RABEP1: variants seen among roughly 807,000 people sequenced by gnomAD.
RABEP1 encodes the protein rabaptin, RAB GTPase binding effector protein 1, also known as rab GTPase-binding effector protein 1.
Under a neutral mutation model 123.4 loss-of-function variants are expected in RABEP1, and 51 were observed. The observed-to-expected ratio is 0.41, with a 90% CI of 0.33 to 0.52. The LOEUF is 0.52. RABEP1 is among the 20% of genes least tolerant of loss of function. The probability of loss-of-function intolerance (pLI) is 0.16; values close to 1 mark genes in which losing one functional copy is unlikely to be tolerated. For missense variants in RABEP1, 888 were observed against 996.3 expected (o/e 0.89, Z 1.46); for synonymous variants, 347 against 355.2 (o/e 0.98, Z 0.26).
intron 1 of RABEP1, among the ~76,000 whole-genome samples, chr17:5,286,042 G>A (rs1182788296): frequency 1.3e-5 from 2 of 152,222 alleles, no homozygotes; most frequent in Non-Finnish European, 2.9e-5. Context: ...AAGGGCATGA[G>A]TTCCGAGTGG....
Position 5,385,969 on chromosome 17 carries a change from G to T in RABEP1, c.*2746G>T. 1 of 469,808 alleles carries T rather than the reference G, an allele frequency of 2.1e-6. No individual in the cohort carries two copies. Among genetic ancestry groups the T allele is most frequent in the Non-Finnish European group, 3.7e-6 (1 of 268,836 alleles). The allele number at this position is 469,808 out of a possible 1,614,324, so 29.1% of individuals were successfully genotyped here. ...CAGGGAGGTTCTGGCAGTGTGCAGT[G>T]TGAAATAATCCTGAGTCCTTGCTGA... is the stretch of plus-strand genomic sequence containing the variant. On this transcript the variant is annotated 3_prime_UTR_variant, in exon 18 of 18. Transcript: ENST00000537505.
chr17:5,383,032 A>G, intron 17 of RABEP1, 90 bp from the exon 18 acceptor site: 1 of 965,842 alleles, frequency 1.0e-6, no homozygotes. Context: ...TACTCTGGTG[A>G]GTTAATCTGC....
chr17:5,311,869 T>C (rs947305071), intron 2 of RABEP1, among the ~76,000 whole-genome samples: 1 of 152,172 alleles, frequency 6.6e-6, no homozygotes, highest in African/African-American at 2.4e-5. Flanking sequence ...TGTAGTTTTA[T>C]TTTTTTAAAC....
In RABEP1 at chr17:5,385,239, C is replaced by T. The variant is rs1376997496; in HGVS notation, c.*2016C>T. ...ACTGTGTCACTGTCCAGGTAGGAAA[C>T]AATTCTTTCAACTGGGTTTTCAGCA... On this transcript the variant is annotated 3_prime_UTR_variant, in exon 18 of 18. Coordinates refer to ENST00000537505, the MANE Select transcript of RABEP1 (RefSeq NM_004703.6). 4.3e-6 allele frequency: 1 copy of T among 230,238 alleles called. No individual in the cohort carries two copies. Among genetic ancestry groups the T allele is most frequent in the Non-Finnish European group, 8.6e-6 (1 of 116,342 alleles). 14.3% of individuals were successfully genotyped at this position (230,238 alleles called of 1,614,324 possible).
At chr17:5,298,930 C>T (rs1179472264) in intron 1 of RABEP1, among the ~76,000 whole-genome samples, 8 of 152,030 alleles carry the variant, frequency 5.3e-5, no homozygotes, top group African/African-American at 1.9e-4. Flanking sequence ...GCTGGGATTA[C>T]AGGCGTGAGC....
chr17:5,380,081 T>C (rs772042083), intron 15 of RABEP1, among the ~76,000 whole-genome samples: 4 of 152,244 alleles, frequency 2.6e-5, no homozygotes, highest in Non-Finnish European at 5.9e-5. Flanking sequence ...CTTTGTAACT[T>C]TTCTGGCAGA....
intron 5 of RABEP1, among the ~76,000 whole-genome samples, chr17:5,343,692 T>TTTTG (rs1334897209): frequency 4.3e-5 from 6 of 140,220 alleles, no homozygotes; most frequent in Non-Finnish European, 9.2e-5. Flanking sequence ...TTTTTTTTTT[T>TTTTG]TGAGTCAGGG....
chr17:5,328,624 C>T (rs990651955), intron 2 of RABEP1, among the ~76,000 whole-genome samples: 14 of 113,666 alleles, frequency 1.2e-4, no homozygotes, highest in African/African-American at 3.1e-4. Context: ...CTAGCCTGGG[C>T]GATAGAGTGA....
At position 5,284,801 on chromosome 17, in the gene RABEP1, T is replaced by C. The variant is rs1441876935; in HGVS notation, c.34+2281T>C. 2.6e-5 allele frequency among the ~76,000 whole-genome samples: 4 copies of C among 151,904 alleles called. No homozygotes were observed. In the East Asian group the frequency reaches 7.7e-4, roughly 29 times the overall value. ...TAATTTGTGTCTTTAGCTGAACTCA[T>C]GTAGACCATTTTAGCTTTAGGCACG... On this transcript the variant is annotated intron_variant, in intron 1 of 17. Transcript: ENST00000537505.
chr17:5,353,484 A>G (rs1285210498), intron 7 of RABEP1, among the ~76,000 whole-genome samples: 5 of 152,178 alleles, frequency 3.3e-5, no homozygotes, highest in African/African-American at 9.7e-5. Flanking sequence ...GAATTATTCT[A>G]TCAACTTTAA....
chr17:5,361,318 C>T lies in RABEP1; in HGVS notation c.1206C>T (p.Leu402=), dbSNP rs187351051. 310 of 1,614,116 alleles carry T rather than the reference C, an allele frequency of 1.9e-4. No homozygotes were observed. The highest frequency in any genetic ancestry group is 1.7e-3 in the Admixed American group (101 of 60,010). ...KSDNDMFKDG[L]RRAQSTDSLG... is the part of the protein sequence containing the mutation. ...ACAATGACATGTTTAAAGATGGACT[C>T]AGGAGAGCACAGTCTACAGACAGCT... Residue 402 remains leucine, a synonymous_variant, in exon 9 of 18, where the codon CTC becomes CTT. Coordinates refer to ENST00000537505, the MANE Select transcript of RABEP1 (RefSeq NM_004703.6).
chr17:5,309,349 G>A (rs984266643), intron 2 of RABEP1, among the ~76,000 whole-genome samples: 2 of 147,874 alleles, frequency 1.4e-5, no homozygotes, highest in Non-Finnish European at 2.9e-5. Context: ...GTGATGAGTC[G>A]TTAAAACAGG....
At chr17:5,329,455 C>T (rs1332325109) in intron 2 of RABEP1, among the ~76,000 whole-genome samples, 5 of 152,130 alleles carry the variant, frequency 3.3e-5, no homozygotes, top group African/African-American at 4.8e-5. Flanking sequence ...CTGTTGAACC[C>T]GGGAGGCAGA....
intron 3 of RABEP1, 103 bp downstream of exon 3, chr17:5,332,255 GT>G: frequency 9.1e-7 from 1 of 1,093,556 alleles, no homozygotes. Context: ...AGTTTCATTT[GT>G]GGTTTTATGT....
intron 9 of RABEP1, chr17:5,361,951 T>G (rs1253405141): frequency 1.4e-5 from 5 of 356,750 alleles, no homozygotes; most frequent in East Asian, 5.0e-5. Context: ...TCTGCCTGAC[T>G]AGCATTGCGG....
intron 5 of RABEP1, among the ~76,000 whole-genome samples, chr17:5,342,618 C>T (rs1907714145): frequency 6.6e-6 from 1 of 152,134 alleles, no homozygotes; most frequent in Non-Finnish European, 1.5e-5. Context: ...ACACACACAG[C>T]ATTATAAAGT....
intron 1 of RABEP1, among the ~76,000 whole-genome samples, chr17:5,289,179 CTTCCTT>C (rs1171487581): frequency 1.3e-5 from 2 of 148,328 alleles, no homozygotes; most frequent in South Asian, 2.1e-4. Context: ...TCTTCTTCCT[CTTCCTT>C]TTCTCTTCTA....
chr17:5,282,491 C>T lies in RABEP1; in HGVS notation c.5C>T (p.Ala2Val). 1 of 1,300,828 alleles carries T rather than the reference C, an allele frequency of 7.7e-7. No homozygotes were observed. Among genetic ancestry groups the T allele is most frequent in the Admixed American group, 3.4e-5 (1 of 29,272 alleles). 80.6% of individuals were successfully genotyped at this position (1,300,828 alleles called of 1,614,324 possible). A position where few individuals can be genotyped will look rare whatever the true frequency, so the allele number is the denominator to read the frequency against. ...CCCGAGGCCGGCCGCCTGGTCATGG[C>T]GCAGCCGGGCCCGGCTTCCCAGCCT... M[A>V]QPGPASQPDV... The change falls in exon 1 of 18, where the codon GCG (alanine) becomes GTG (valine). Residue 2 changes from alanine (A) to valine (V), a missense_variant. Physicochemically the swap from Ala to Val is moderately conservative, Grantham distance 64. Transcript: ENST00000537505.
intron 16 of RABEP1, 109 bp from the exon 17 acceptor site, chr17:5,381,280 G>A: frequency 1.3e-6 from 2 of 1,493,220 alleles, no homozygotes; most frequent in South Asian, 2.7e-5. Context: ...GAGTGCGACG[G>A]ATATCCACCC....
Sources: gnomAD v4.1 joint callset for allele counts (sites outside exome capture counted in the v4.1 genomes callset) on GRCh38, gnomAD v4.1.1 for gene constraint, MANE v1.5 for transcripts, NCBI Gene and HGNC (gene_info 2026-07-23, HGNC 2026-07-21) for gene names.